Variants in CCZ1B observed in about 807,000 individuals in gnomAD.
CCZ1B encodes CCZ1B vacuolar protein trafficking and biogenesis associated, also known as vacuolar fusion protein CCZ1 homolog B.
A neutral mutation model predicts 58.8 loss-of-function variants in CCZ1B; 25 were observed. The ratio of observed to expected loss-of-function variants is 0.43; its 90% CI spans 0.31 to 0.59. The LOEUF (loss-of-function observed/expected upper bound fraction) is 0.59, where lower values mean the gene tolerates loss of function less well. CCZ1B is among the 20% of genes least tolerant of loss of function. The pLI is 0.12. For missense variants in CCZ1B, 180 were observed against 501.5 expected, an observed-to-expected ratio of 0.36 and a Z score of 6.12; for synonymous variants, 66 against 173.2, an observed-to-expected ratio of 0.38 and a Z score of 4.86.
chr7:6,801,129 G>T, intron 13 of CCZ1B, 54 bp from the exon 14 acceptor site: 1 of 1,333,674 alleles, frequency 7.5e-7, no homozygotes, highest in Non-Finnish European at 9.7e-7. Context: ...GCCAGACTGT[G>T]AGAATAAGCG....
intron 14 of CCZ1B, among the ~76,000 whole-genome samples, chr7:6,800,553 C>T (rs1031419399): frequency 3.7e-5 from 5 of 136,264 alleles, no homozygotes; most frequent in Non-Finnish European, 7.7e-5. Flanking sequence ...CCTGTGGTCT[C>T]AGCTACTCTA....
intron 7 of CCZ1B, among the ~76,000 whole-genome samples, chr7:6,815,760 T>TG (rs1256741034): frequency 6.7e-6 from 1 of 148,960 alleles, no homozygotes; most frequent in East Asian, 1.9e-4. Flanking sequence ...CCATTTGAGA[T>TG]GAAAAAAAAA....
At position 6,824,548 on chromosome 7, in the gene CCZ1B, C is replaced by G; in HGVS notation, c.219G>C (p.Arg73Ser). 6.2e-7 allele frequency: 1 copy of G among 1,609,542 alleles called. No individual in the cohort carries two copies. The highest frequency in any genetic ancestry group is 8.5e-7 in the Non-Finnish European group (1 of 1,179,042). Reference protein sequence around the residue: ...GLCEAIVQFTRTFSPSKPAKS... With the variant: ...GLCEAIVQFTSTFSPSKPAKS... ...TTGCAGGTTTTGATGGGCTAAATGT[C>G]CTACAAAGGTTAAAAAAATATGTTT... Residue 73 changes from arginine (R) to serine (S), a missense_variant and splice_region_variant, in exon 3 of 15, where the codon AGG (arginine) becomes AGC (serine). Physicochemically the swap from Arg to Ser is moderately radical, Grantham distance 110. Transcript: ENST00000316731.
Position 6,812,995 on chromosome 7 carries a change from T to C in CCZ1B, c.823A>G (p.Asn275Asp), listed in dbSNP as rs1408305503. The C allele has an allele frequency of 1.3e-6, 2 of 1,583,144 alleles. No individual in the cohort carries two copies. The highest frequency in any genetic ancestry group is 1.7e-6 in the Non-Finnish European group (2 of 1,160,894). ...DSPIRAEMPG[N>D]LQHYGRFLTG... is the part of the protein sequence containing the mutation. ...TCCTACCTTCCATAGTGTTGAAGAT[T>C]TCCTGGCATTTCTGCTCTTATTGGA... The change falls in exon 9 of 15, where the codon AAT (asparagine) becomes GAT (aspartate). Residue 275 changes from asparagine (N) to aspartate (D), a missense_variant. Asn to Asp is a conservative substitution (Grantham distance 23). Transcript: ENST00000316731.
intron 6 of CCZ1B, among the ~76,000 whole-genome samples, 165 bp from the exon 7 acceptor site, chr7:6,820,106 C>A (rs1783084780): frequency 6.8e-6 from 1 of 146,480 alleles, no homozygotes; most frequent in Non-Finnish European, 1.5e-5. Flanking sequence ...GACTGAGTGT[C>A]AACTCAGTAC....
At chr7:6,819,183 GA>G (rs199671341) in intron 7 of CCZ1B, among the ~76,000 whole-genome samples, 1,914 of 115,648 alleles carry the variant, frequency 0.017, 180 homozygotes, top group African/African-American at 0.061. Flanking sequence ...TATCATTTCA[GA>G]AAAAAAAACT....
intron 10 of CCZ1B, among the ~76,000 whole-genome samples, chr7:6,809,274 G>T (rs1265804418): frequency 1.8e-5 from 2 of 110,106 alleles, no homozygotes; most frequent in Non-Finnish European, 3.6e-5. Flanking sequence ...TGGTCTTGGA[G>T]ACTCATGAAC....
At chr7:6,820,677 T>G (rs1356513231) in intron 6 of CCZ1B, among the ~76,000 whole-genome samples, 1 of 148,736 alleles carries the variant, frequency 6.7e-6, no homozygotes, top group East Asian at 2.0e-4. Flanking sequence ...ATCCCAGCCC[T>G]TTGGGAGGCC....
At chr7:6,815,143 C>T (rs1385118701) in intron 7 of CCZ1B, among the ~76,000 whole-genome samples, 1 of 146,170 alleles carries the variant, frequency 6.8e-6, no homozygotes, top group Non-Finnish European at 1.5e-5. Context: ...GGATAAAGCT[C>T]ATTTTTTATT....
intron 7 of CCZ1B, among the ~76,000 whole-genome samples, chr7:6,818,682 A>AAAGAAAGAT (rs1783056091): frequency 1.3e-5 from 1 of 78,718 alleles, no homozygotes; most frequent in African/African-American, 5.8e-5. Context: ...AGAAAGAAAG[A>AAAGAAAGAT]AAGAAAGAAA....
At chr7:6,808,203 C>A (rs150578637) in intron 10 of CCZ1B, among the ~76,000 whole-genome samples, 2 of 125,800 alleles carry the variant, frequency 1.6e-5, no homozygotes, top group African/African-American at 5.4e-5. Flanking sequence ...CTGTGGCCAA[C>A]CCCCAATCAG....
Position 6,818,303 on chromosome 7 carries a change from C to G in CCZ1B, c.698+1463G>C, listed in dbSNP as rs1783038998. On this transcript the variant is annotated intron_variant, in intron 7 of 14. Transcript: ENST00000316731. Reference sequence around the variant, plus strand: ...GTGGCTCACACCTGTAATCGCGGCACTTTGGGAGGCCAATGCAGGCGAATC... The same window carrying G: ...GTGGCTCACACCTGTAATCGCGGCAGTTTGGGAGGCCAATGCAGGCGAATC... Among the ~76,000 whole-genome samples, 2 of 149,764 alleles carry G rather than the reference C, an allele frequency of 1.3e-5. 1 individual carries two copies. The highest frequency in any genetic ancestry group is 3.0e-5 in the Non-Finnish European group (2 of 67,688).
intron 10 of CCZ1B, 119 bp downstream of exon 10, chr7:6,811,833 A>G: frequency 1.5e-6 from 1 of 645,310 alleles, no homozygotes; most frequent in Non-Finnish European, 2.7e-6. Context: ...TACCATAATC[A>G]GAACTTCCAA....
chr7:6,809,671 A>T (rs1373175467), intron 10 of CCZ1B, among the ~76,000 whole-genome samples: 1 of 122,576 alleles, frequency 8.2e-6, no homozygotes, highest in Non-Finnish European at 1.7e-5. Context: ...TCTGCCTGCA[A>T]TCTCCCCTTC....
In CCZ1B at chr7:6,824,075, C is replaced by CAATG. The variant is rs745483738; in HGVS notation, c.390+10_390+13dup. ...TTAAAAAAATAAATAAATAAACAAA[C>CAATG]AATGACACATTACCAACAACTCCTC... On this transcript the variant is annotated intron_variant, in intron 4 of 14. Coordinates refer to ENST00000316731, the MANE Select transcript of CCZ1B (RefSeq NM_198097.5). 5 of 1,377,976 alleles carry CAATG rather than the reference C, an allele frequency of 3.6e-6. No homozygotes were observed. The highest frequency in any genetic ancestry group is 3.9e-6 in the Non-Finnish European group (4 of 1,021,380). 85.4% of individuals were successfully genotyped at this position (1,377,976 alleles called of 1,614,324 possible). A position where few individuals can be genotyped will look rare whatever the true frequency, so the allele number is the denominator to read the frequency against.
intron 7 of CCZ1B, 146 bp from the exon 8 acceptor site, chr7:6,814,991 C>G (rs1303184875): frequency 1.9e-6 from 1 of 536,608 alleles, no homozygotes; most frequent in Non-Finnish European, 3.2e-6. Flanking sequence ...AAGTTTAAAG[C>G]TACTTAAAAC....
At chr7:6,819,660 C>A in intron 7 of CCZ1B, 106 bp downstream of exon 7, 1 of 643,222 alleles carries the variant, frequency 1.6e-6, no homozygotes, top group Non-Finnish European at 2.7e-6. Flanking sequence ...TCCTACCCAT[C>A]CTCCCCGCTG....
Position 6,824,163 on chromosome 7 carries a change from C to T in CCZ1B, c.316G>A (p.Val106Ile), listed in dbSNP as rs1377634884. The T allele has an allele frequency of 6.9e-6, 10 of 1,439,390 alleles. No homozygotes were observed. The East Asian group carries it at 1.7e-4, about 24-fold the overall frequency. The allele number at this position is 1,439,390 out of a possible 1,614,324, so 89.2% of individuals were successfully genotyped here. A position where few individuals can be genotyped will look rare whatever the true frequency, so the allele number is the denominator to read the frequency against. The change falls in exon 4 of 15, where the codon GTT (valine) becomes ATT (isoleucine). Residue 106 changes from valine to isoleucine, a missense_variant. Val to Ile is a conservative substitution (Grantham distance 29). Coordinates refer to ENST00000316731, the MANE Select transcript of CCZ1B (RefSeq NM_198097.5). ...PEENFWMVMV[V>I]RNPIIEKQSK... ...TGTTTTTCAATTATAGGATTCCGAA[C>T]AACCTACAAAGTTTGATAAACTGAA...
At chr7:6,818,454 C>T (rs946161835) in intron 7 of CCZ1B, among the ~76,000 whole-genome samples, 1 of 149,204 alleles carries the variant, frequency 6.7e-6, no homozygotes, top group African/African-American at 2.5e-5. Flanking sequence ...GAGGCTGAGG[C>T]AGGAGAATCG....
Sources: gnomAD v4.1 joint callset for allele counts (sites outside exome capture counted in the v4.1 genomes callset) on GRCh38, gnomAD v4.1.1 for gene constraint, MANE v1.5 for transcripts, NCBI Gene and HGNC (gene_info 2026-07-23, HGNC 2026-07-21) for gene names.